Variants in CSMD1 observed in about 807,000 individuals in gnomAD.
CSMD1 encodes the protein CUB and Sushi multiple domains 1.
A neutral mutation model predicts 417.5 loss-of-function variants in CSMD1; 213 were observed. The observed-to-expected ratio is 0.51, with a 90% CI of 0.46 to 0.57. The LOEUF (loss-of-function observed/expected upper bound fraction) is 0.57, where lower values mean the gene tolerates loss of function less well. Among genes scored for constraint, CSMD1 ranks in the 20% least tolerant of loss-of-function variants. CSMD1 has a pLI of 0.00. For synonymous variants in CSMD1, 2,862 were observed against 1,736.8 expected (o/e 1.65, Z -16.11); for missense variants, 6,923 against 4,529.7 (o/e 1.53, Z -15.17).
intron 23 of CSMD1, among the ~76,000 whole-genome samples, chr8:3,309,437 T>C (rs139480874): frequency 3.9e-5 from 6 of 152,330 alleles, no homozygotes; most frequent in African/African-American, 9.6e-5. Flanking sequence ...TGAATCATTA[T>C]AATGACCTCA....
chr8:4,964,799 G>C (rs948775135), intron 1 of CSMD1, among the ~76,000 whole-genome samples: 1 of 151,936 alleles, frequency 6.6e-6, no homozygotes, highest in Non-Finnish European at 1.5e-5. Flanking sequence ...TCTTTTTATC[G>C]TCGTTGTCCA....
At chr8:4,940,715 G>C (rs1276596639) in intron 1 of CSMD1, among the ~76,000 whole-genome samples, 1 of 152,182 alleles carries the variant, frequency 6.6e-6, no homozygotes, top group East Asian at 1.9e-4. Flanking sequence ...AAATATGCAT[G>C]TTTTGCTCAC....
intron 1 of CSMD1, among the ~76,000 whole-genome samples, chr8:4,806,747 T>C (rs1033190677): frequency 2.0e-5 from 3 of 152,164 alleles, no homozygotes; most frequent in African/African-American, 7.2e-5. Context: ...TGAACTTCAT[T>C]TGAAAACCAC....
At chr8:3,526,766 G>A (rs1331252720) in intron 10 of CSMD1, among the ~76,000 whole-genome samples, 1 of 152,144 alleles carries the variant, frequency 6.6e-6, no homozygotes, top group African/African-American at 2.4e-5. Flanking sequence ...TTCCCTTCCT[G>A]TAAAACACAC....
At chr8:4,437,054 T>A (rs964291293) in intron 2 of CSMD1, among the ~76,000 whole-genome samples, 1 of 152,160 alleles carries the variant, frequency 6.6e-6, no homozygotes, top group Non-Finnish European at 1.5e-5. Context: ...TTCCTCAAGG[T>A]AATTTAATGG....
intron 17 of CSMD1, among the ~76,000 whole-genome samples, chr8:3,388,828 G>C (rs1046534239): frequency 6.6e-6 from 1 of 151,202 alleles, no homozygotes. Context: ...GATATCATTT[G>C]GCTAGAAATC....
At chr8:3,313,206 T>C (rs62504443) in intron 23 of CSMD1, among the ~76,000 whole-genome samples, 12,910 of 152,242 alleles carry the variant, frequency 0.085, 698 homozygotes, top group Non-Finnish European at 0.12. Flanking sequence ...GACATAGGCA[T>C]GGGCAAAGAC....
chr8:4,884,312 C>A (rs1425086298), intron 1 of CSMD1, among the ~76,000 whole-genome samples: 3 of 151,696 alleles, frequency 2.0e-5, no homozygotes, highest in Non-Finnish European at 4.4e-5. Context: ...AATTTATCTC[C>A]CATTCTGTGG....
At chr8:3,805,187 C>T (rs1472771558) in intron 5 of CSMD1, among the ~76,000 whole-genome samples, 1 of 152,138 alleles carries the variant, frequency 6.6e-6, no homozygotes, top group Non-Finnish European at 1.5e-5. Context: ...TTCCCCAGGA[C>T]TACAACATGA....
intron 1 of CSMD1, among the ~76,000 whole-genome samples, chr8:4,898,020 A>C (rs1485798896): frequency 6.6e-6 from 1 of 152,162 alleles, no homozygotes; most frequent in Non-Finnish European, 1.5e-5. Flanking sequence ...AACAGACTTC[A>C]GTTTATAAAA....
At chr8:3,933,745 G>A (rs547772464) in intron 5 of CSMD1, among the ~76,000 whole-genome samples, 18 of 152,090 alleles carry the variant, frequency 1.2e-4, no homozygotes, top group African/African-American at 3.6e-4. Context: ...GGAGAAATGA[G>A]GTGAGATTTA....
intron 1 of CSMD1, among the ~76,000 whole-genome samples, chr8:4,720,845 G>A (rs996171739): frequency 6.6e-6 from 1 of 152,154 alleles, no homozygotes; most frequent in South Asian, 2.1e-4. Context: ...GGAAAGTCTA[G>A]AAGCCAAGGG....
At chr8:4,205,286 G>C (rs1799910422) in intron 3 of CSMD1, among the ~76,000 whole-genome samples, 1 of 152,098 alleles carries the variant, frequency 6.6e-6, no homozygotes, top group Non-Finnish European at 1.5e-5. Flanking sequence ...TTTTACAATA[G>C]TTCCTTGAAA....
At chr8:3,279,763 A>G (rs1563219019) in intron 26 of CSMD1, among the ~76,000 whole-genome samples, 1 of 152,148 alleles carries the variant, frequency 6.6e-6, no homozygotes, top group Admixed American at 6.5e-5. Context: ...AGAGGGTGTT[A>G]GAAAGGAGAA....
At chr8:3,953,701 G>A (rs1811736835) in intron 5 of CSMD1, among the ~76,000 whole-genome samples, 1 of 152,172 alleles carries the variant, frequency 6.6e-6, no homozygotes, top group South Asian at 2.1e-4. Flanking sequence ...GTGAGGGGTG[G>A]ATAGGCACGG....
chr8:4,713,373 GTTTTT>G (rs937791421), intron 1 of CSMD1, among the ~76,000 whole-genome samples: 1 of 123,524 alleles, frequency 8.1e-6, no homozygotes, highest in African/African-American at 3.2e-5. Flanking sequence ...TCAGCTTTGT[GTTTTT>G]GTTTTGTTTT....
At chr8:4,211,858 T>G (rs1303639717) in intron 3 of CSMD1, among the ~76,000 whole-genome samples, 1 of 152,190 alleles carries the variant, frequency 6.6e-6, no homozygotes, top group Admixed American at 6.5e-5. Context: ...AACACTAACT[T>G]GCTTTAATAA....
At chr8:4,397,940 G>T (rs182648769) in intron 3 of CSMD1, among the ~76,000 whole-genome samples, 1 of 151,974 alleles carries the variant, frequency 6.6e-6, no homozygotes, top group East Asian at 1.9e-4. Context: ...TTCTAGAGTA[G>T]GAAAAAATGG....
intron 40 of CSMD1, chr8:3,151,174 C>T (rs985719439): frequency 4.4e-6 from 2 of 457,670 alleles, no homozygotes; most frequent in Admixed American, 3.7e-5. Flanking sequence ...CATCATTCGG[C>T]CAATTTAATT....
Sources: allele counts gnomAD v4.1 joint callset (sites outside exome capture counted in the v4.1 genomes callset), GRCh38; gene constraint gnomAD v4.1.1; transcripts MANE v1.5; gene names NCBI Gene and HGNC (gene_info 2026-07-23, HGNC 2026-07-21).